PAX7: variants seen among roughly 807,000 people sequenced by gnomAD.
PAX7 encodes paired box protein Pax-7.
Under a neutral mutation model 50.7 loss-of-function variants are expected in PAX7, and 18 were observed. The ratio of observed to expected loss-of-function variants is 0.36; its 90% confidence interval spans 0.25 to 0.53. The LOEUF (loss-of-function observed/expected upper bound fraction) is 0.53. Among genes scored for constraint, PAX7 ranks in the 20% least tolerant of loss-of-function variants. PAX7 has a pLI of 0.93. For missense variants in PAX7, 644 were observed against 702.9 expected (o/e 0.92, Z 0.95); for synonymous variants, 310 against 290.4 (o/e 1.07, Z -0.69).
At chr1:18,635,920 C>A (rs1287436552) in intron 3 of PAX7, among the ~76,000 whole-genome samples, 1 of 151,866 alleles carries the variant, frequency 6.6e-6, no homozygotes, top group Non-Finnish European at 1.5e-5. Flanking sequence ...TCCAGAGAGG[C>A]CCTGGGACCT....
intron 4 of PAX7, among the ~76,000 whole-genome samples, chr1:18,669,272 C>T (rs1245062224): frequency 6.6e-6 from 1 of 152,206 alleles, no homozygotes; most frequent in Non-Finnish European, 1.5e-5. Context: ...TGCTGGCAGC[C>T]TCTGGTTCCA....
intron 4 of PAX7, among the ~76,000 whole-genome samples, chr1:18,654,370 AAT>A (rs1486270412): frequency 6.6e-6 from 1 of 152,228 alleles, no homozygotes; most frequent in South Asian, 2.1e-4. Flanking sequence ...TGCAATAAAT[AAT>A]CACAGGTGGG....
intron 7 of PAX7, among the ~76,000 whole-genome samples, chr1:18,717,512 C>G (rs2089442990): frequency 1.3e-5 from 2 of 152,300 alleles, no homozygotes; most frequent in South Asian, 4.2e-4. Context: ...TCTCTGGTCT[C>G]AGCTCAGAGG....
chr1:18,701,409 C>T (rs764818203), intron 6 of PAX7, among the ~76,000 whole-genome samples: 4 of 150,256 alleles, frequency 2.7e-5, no homozygotes, highest in Admixed American at 6.6e-5. Flanking sequence ...TGAGTGTGTG[C>T]GTATGAGTGA....
At chr1:18,643,319 T>G (rs1183990018) in intron 4 of PAX7, among the ~76,000 whole-genome samples, 2 of 151,764 alleles carry the variant, frequency 1.3e-5, no homozygotes, top group Non-Finnish European at 2.9e-5. Flanking sequence ...GTCGCCCTGG[T>G]CCTGGAGGTG....
intron 8 of PAX7, among the ~76,000 whole-genome samples, chr1:18,741,704 G>A (rs1931144448): frequency 6.6e-6 from 1 of 152,256 alleles, no homozygotes; most frequent in Non-Finnish European, 1.5e-5. Context: ...GGAGGCAGCG[G>A]CTGCTGTGAC....
At chr1:18,717,725 T>A (rs2089445483) in intron 7 of PAX7, among the ~76,000 whole-genome samples, 1 of 152,204 alleles carries the variant, frequency 6.6e-6, no homozygotes, top group Admixed American at 6.5e-5. Context: ...AATAAACAGC[T>A]GCAAACATGC....
Position 18,726,927 on chromosome 1 carries a change from G to A in PAX7, c.1156-8705G>A, listed in dbSNP as rs757271982. Among the ~76,000 whole-genome samples, 23 of 152,152 alleles carry A rather than the reference G, an allele frequency of 1.5e-4. No individual in the cohort carries two copies. The highest frequency in any genetic ancestry group is 3.8e-4 in the East Asian group (2 of 5,198). Reference sequence around the variant, plus strand: ...CAGTCAATGACCCGGTGTTCACCACGTATCCTCTGAGCTTCCAAGGTCCCC... The same window carrying A: ...CAGTCAATGACCCGGTGTTCACCACATATCCTCTGAGCTTCCAAGGTCCCC... On this transcript the variant is annotated intron_variant, in intron 7 of 8. Coordinates refer to ENST00000420770, the MANE Select transcript of PAX7 (RefSeq NM_001135254.2). This position sits in a 1 kb window ranked among gnomAD's most constrained non-coding sequence, Gnocchi z 4.8.
chr1:18,685,730 T>A (rs1213448364), intron 4 of PAX7, among the ~76,000 whole-genome samples: 3 of 152,230 alleles, frequency 2.0e-5, no homozygotes, highest in Non-Finnish European at 2.9e-5. Context: ...TGGGGACACA[T>A]GGGCAAGGCC....
chr1:18,680,657 T>C lies in PAX7; in HGVS notation c.587-11097T>C, dbSNP rs536079641. Among the ~76,000 whole-genome samples the C allele has an allele frequency of 5.9e-5, 9 of 152,290 alleles. No homozygotes were observed. The South Asian group carries it at 1.9e-3, about 32-fold the overall frequency. ...TCACCTCTCCCCCAGTGCCAGCCCT[T>C]GCTACCTCCACCACACTTTGTAAGA... On this transcript the variant is annotated intron_variant, in intron 4 of 8. Transcript: ENST00000420770.
At chr1:18,743,790 C>T (rs1037437526) in intron 8 of PAX7, among the ~76,000 whole-genome samples, 1 of 152,194 alleles carries the variant, frequency 6.6e-6, no homozygotes, top group Non-Finnish European at 1.5e-5. Context: ...GAGGCAGGTA[C>T]CTGGCTGAGT....
At chr1:18,641,122 C>T (rs2088247183) in intron 4 of PAX7, among the ~76,000 whole-genome samples, 1 of 152,266 alleles carries the variant, frequency 6.6e-6, no homozygotes, top group African/African-American at 2.4e-5. Flanking sequence ...TAAACAAAGT[C>T]TGCAAACTGT....
chr1:18,677,048 G>A (rs2088833677), intron 4 of PAX7, among the ~76,000 whole-genome samples: 1 of 152,232 alleles, frequency 6.6e-6, no homozygotes, highest in East Asian at 1.9e-4. Context: ...CTCTGGGCAA[G>A]GTGAAGAGTC....
chr1:18,686,802 G>A (rs1015399667), intron 4 of PAX7, among the ~76,000 whole-genome samples: 37 of 151,888 alleles, frequency 2.4e-4, no homozygotes, highest in African/African-American at 7.5e-4. Context: ...CATCACCACC[G>A]TCATTGTCCT....
At chr1:18,643,770 C>G (rs1410663125) in intron 4 of PAX7, among the ~76,000 whole-genome samples, 1 of 152,236 alleles carries the variant, frequency 6.6e-6, no homozygotes, top group Non-Finnish European at 1.5e-5. Flanking sequence ...TATTACAGCA[C>G]GTCCCGGCGG....
chr1:18,709,989 G>T (rs116490734), intron 7 of PAX7, among the ~76,000 whole-genome samples: 3,615 of 152,300 alleles, frequency 0.024, 67 homozygotes, highest in South Asian at 0.062. Flanking sequence ...TGTGAATGGG[G>T]TCTCCTGGGT....
intron 5 of PAX7, among the ~76,000 whole-genome samples, chr1:18,692,539 C>T (rs763767392): frequency 5.0e-5 from 7 of 141,148 alleles, no homozygotes; most frequent in Non-Finnish European, 7.6e-5. Context: ...GAGACTCCAT[C>T]TCACAAAAAG....
chr1:18,635,058 T>G, intron 2 of PAX7, 53 bp from the exon 3 acceptor site: 1 of 1,598,598 alleles, frequency 6.3e-7, no homozygotes, highest in African/African-American at 1.3e-5. Flanking sequence ...AAAAGTATTT[T>G]CCTCCCCCCA....
rs1048899121 is a variant in PAX7 at position 18,633,846 on chromosome 1, G to A, written c.86-457G>A. On this transcript the variant is annotated intron_variant, in intron 1 of 8. Coordinates refer to ENST00000420770, the MANE Select transcript of PAX7 (RefSeq NM_001135254.2). ...TGAGCAGATGAGCCACATCACACCC[G>A]TTATTGGCCTCTCCAAGACGCAGGC... is the stretch of plus-strand genomic sequence containing the variant. Among the ~76,000 whole-genome samples, 5 of 152,214 alleles carry A rather than the reference G, an allele frequency of 3.3e-5. No homozygotes were observed. The East Asian group carries it at 9.6e-4, about 29-fold the overall frequency.
Sources: gnomAD v4.1 joint callset for allele counts (sites outside exome capture counted in the v4.1 genomes callset) on GRCh38, gnomAD v4.1.1 for gene constraint, Gnocchi (gnomAD v3.1) non-coding constraint, MANE v1.5 for transcripts, NCBI Gene and HGNC (gene_info 2026-07-23, HGNC 2026-07-21) for gene names.